The following ZFR2 variants were observed in gnomAD, a reference collection of about 807,000 sequenced individuals.
The protein encoded by ZFR2 is zinc finger RNA-binding protein 2.
A neutral mutation model predicts 105.7 loss-of-function variants in ZFR2; 104 were observed. The observed-to-expected ratio is 0.98, with a 90% confidence interval of 0.84 to 1.16. The LOEUF (loss-of-function observed/expected upper bound fraction) is 1.16, where lower values mean the gene tolerates loss of function less well. Among genes scored for constraint, ZFR2 ranks in the 50% most tolerant of loss-of-function variants. The pLI is 0.00. For missense variants in ZFR2, 1,425 were observed against 1,355.5 expected, an observed-to-expected ratio of 1.05 and a Z score of -0.80; for synonymous variants, 634 against 597.7, an observed-to-expected ratio of 1.06 and a Z score of -0.89.
intron 1 of ZFR2, among the ~76,000 whole-genome samples, chr19:3,861,122 G>A (rs375424954): frequency 1.5e-4 from 23 of 152,228 alleles, no homozygotes; most frequent in African/African-American, 4.3e-4. Flanking sequence ...CCACAATGCC[G>A]CGGAAGCAGA....
chr19:3,824,403 A>G (rs1019754028), intron 7 of ZFR2, among the ~76,000 whole-genome samples: 1 of 152,206 alleles, frequency 6.6e-6, no homozygotes, highest in African/African-American at 2.4e-5. Context: ...ATCCTAGTTA[A>G]CGCGGGTCAG....
At position 3,808,750 on chromosome 19, in the gene ZFR2, A is replaced by T. The variant is rs548968763; in HGVS notation, c.2545+122T>A. 1,309 of 812,576 alleles carry T rather than the reference A, an allele frequency of 1.6e-3. 2 individuals carry two copies. The highest frequency in any genetic ancestry group is 2.0e-3 in the Non-Finnish European group (1,084 of 539,092). 50.3% of individuals were successfully genotyped at this position (812,576 alleles called of 1,614,324 possible). On this transcript the variant is annotated intron_variant, in intron 17 of 18. Coordinates refer to ENST00000262961, the MANE Select transcript of ZFR2 (RefSeq NM_015174.2). ...GGAGCATGTGTGTGTTGTGGGCCGC[A>T]CTCCTGCCTGGGCTGGACACTTCCT...
intron 13 of ZFR2, among the ~76,000 whole-genome samples, chr19:3,815,559 T>C (rs1421227833): frequency 1.3e-5 from 2 of 152,228 alleles, no homozygotes; most frequent in East Asian, 3.8e-4. Flanking sequence ...GCGAATGTTT[T>C]CTGTGCAGCT....
At chr19:3,859,056 T>C (rs56142644) in intron 1 of ZFR2, among the ~76,000 whole-genome samples, 22,807 of 151,992 alleles carry the variant, frequency 0.15, 2,075 homozygotes, top group East Asian at 0.27. Flanking sequence ...GAGAGTGACA[T>C]TTGAGCCGGT....
rs112759350 is a variant in ZFR2, at chr19:3,860,827, G to A, written c.53+8138C>T. ...TCATCTCCTGTTCCAGCCCTCTCCT[G>A]CTGCTTTAAGAAACGGAACGACCTG... On this transcript the variant is annotated intron_variant, in intron 1 of 18. Coordinates refer to ENST00000262961, the MANE Select transcript of ZFR2 (RefSeq NM_015174.2). Among the ~76,000 whole-genome samples, 1,259 of 152,212 alleles carry A rather than the reference G, an allele frequency of 8.3e-3. 16 individuals are homozygous for A. The highest frequency in any genetic ancestry group is 0.029 in the African/African-American group (1,204 of 41,504).
intron 16 of ZFR2, 80 bp from the exon 17 acceptor site, chr19:3,809,063 G>T: frequency 1.8e-6 from 2 of 1,084,252 alleles, no homozygotes; most frequent in Non-Finnish European, 1.3e-6. Context: ...GGGGTCCCTG[G>T]GACAGGAGGC....
intron 17 of ZFR2, 41 bp downstream of exon 17, chr19:3,808,831 T>C: frequency 6.7e-7 from 1 of 1,493,994 alleles, no homozygotes; most frequent in Non-Finnish European, 9.0e-7. Flanking sequence ...GTCTCTGCGA[T>C]TTGCCGCCCA....
intron 13 of ZFR2, among the ~76,000 whole-genome samples, chr19:3,814,680 A>G (rs2037806376): frequency 6.6e-6 from 1 of 152,232 alleles, no homozygotes; most frequent in Non-Finnish European, 1.5e-5. Context: ...TCCAGAAAGC[A>G]GGGGCTGTAT....
chr19:3,821,435 G>T lies in ZFR2; in HGVS notation c.1536C>A (p.Ser512Arg). The change falls in exon 10 of 19, where the codon AGC becomes AGA. Residue 512 changes from serine to arginine, a missense_variant. Physicochemically the swap from Ser to Arg is moderately radical, Grantham distance 110. Coordinates refer to ENST00000262961, the MANE Select transcript of ZFR2 (RefSeq NM_015174.2). ...PDLPIATEPS[S>R]RARKVLEERM... ...GCTCCTCCAGGACCTTCCGAGCCCG[G>T]CTGCTGGGCTCCGTGGCAATGGGAA... is the stretch of plus-strand genomic sequence containing the variant. The T allele has an allele frequency of 1.2e-6, 2 of 1,610,064 alleles. No homozygotes were observed. The highest frequency in any genetic ancestry group is 1.7e-6 in the Non-Finnish European group (2 of 1,177,654).
intron 1 of ZFR2, among the ~76,000 whole-genome samples, chr19:3,855,179 A>C (rs755107937): frequency 1.3e-5 from 2 of 152,224 alleles, no homozygotes; most frequent in Non-Finnish European, 2.9e-5. Flanking sequence ...TACTGGCATA[A>C]GCCAACGTGC....
At chr19:3,812,106 G>C (rs1413802755) in intron 14 of ZFR2, among the ~76,000 whole-genome samples, 1 of 152,028 alleles carries the variant, frequency 6.6e-6, no homozygotes, top group Non-Finnish European at 1.5e-5. Flanking sequence ...ACCACGCCCA[G>C]CTAATTTTTA....
chr19:3,810,400 G>C (rs1204086082), intron 16 of ZFR2, among the ~76,000 whole-genome samples: 1 of 152,234 alleles, frequency 6.6e-6, no homozygotes, highest in Non-Finnish European at 1.5e-5. Flanking sequence ...TCTGGGCTGG[G>C]TCACCCAGAG....
chr19:3,837,531 C>T (rs994455648), intron 1 of ZFR2, among the ~76,000 whole-genome samples: 13 of 150,278 alleles, frequency 8.7e-5, no homozygotes, highest in African/African-American at 2.4e-4. Context: ...CGATGAACAC[C>T]ATGACCGTGA....
At chr19:3,842,620 CTTTTT>C (rs1166574867) in intron 1 of ZFR2, among the ~76,000 whole-genome samples, 2 of 149,946 alleles carry the variant, frequency 1.3e-5, no homozygotes, top group African/African-American at 4.9e-5. Context: ...ACTTTTTTTT[CTTTTT>C]TCTTTTTTTT....
At chr19:3,844,665 G>A (rs2038170292) in intron 1 of ZFR2, among the ~76,000 whole-genome samples, 1 of 152,106 alleles carries the variant, frequency 6.6e-6, no homozygotes, top group Non-Finnish European at 1.5e-5. Flanking sequence ...CACTGCGCCT[G>A]GCCCAATGTT....
rs1451208504 is a variant in ZFR2, at chr19:3,805,693, T to C, written c.*256A>G. 2 of 412,524 alleles carry C rather than the reference T, an allele frequency of 4.8e-6. No homozygotes were observed. Among genetic ancestry groups the C allele is most frequent in the Non-Finnish European group, 8.5e-6 (2 of 234,806 alleles). The allele number at this position is 412,524 out of a possible 1,614,324, so 25.6% of individuals were successfully genotyped here. Reference sequence around the variant, plus strand: ...GATTTTTAAAAATATTTTGGAGAGATGGGGGTCTCACTCTGTTGTCTGGGC... The same window carrying C: ...GATTTTTAAAAATATTTTGGAGAGACGGGGGTCTCACTCTGTTGTCTGGGC... On this transcript the variant is annotated 3_prime_UTR_variant, in exon 19 of 19. Coordinates refer to ENST00000262961, the MANE Select transcript of ZFR2 (RefSeq NM_015174.2).
chr19:3,824,056 G>A (rs1599230705), intron 7 of ZFR2, among the ~76,000 whole-genome samples: 2 of 152,186 alleles, frequency 1.3e-5, no homozygotes, highest in South Asian at 4.1e-4. Flanking sequence ...CAGTGCTGCG[G>A]GAGGCCGAGT....
intron 12 of ZFR2, among the ~76,000 whole-genome samples, chr19:3,817,311 C>G (rs2037836141): frequency 6.6e-6 from 1 of 151,998 alleles, no homozygotes; most frequent in Non-Finnish European, 1.5e-5. Flanking sequence ...GTAATCCCAG[C>G]ACTTTGGGAG....
In ZFR2 at chr19:3,834,250, C is replaced by T. The variant is rs10401421; in HGVS notation, c.265-472G>A. On this transcript the variant is annotated intron_variant, in intron 2 of 18. Transcript: ENST00000262961. The surrounding 1 kb of genome is among the most constrained non-coding windows in gnomAD (Gnocchi z 5.3). ...AGCATGGTCACGGGGGACATCTTTG[C>T]GACACCAAGTGGGAACACGGTGGCT... Among the ~76,000 whole-genome samples, 66,556 of 151,860 alleles carry T rather than the reference C, an allele frequency of 0.44. 15,355 individuals carry two copies. Among genetic ancestry groups the T allele is most frequent in the East Asian group, 0.54 (2,763 of 5,122 alleles).
Sources: gnomAD v4.1 joint callset for allele counts (sites outside exome capture counted in the v4.1 genomes callset) on GRCh38, gnomAD v4.1.1 for gene constraint, Gnocchi (gnomAD v3.1) non-coding constraint, MANE v1.5 for transcripts, NCBI Gene and HGNC (gene_info 2026-07-23, HGNC 2026-07-21) for gene names.